Variants in FAM135A observed in about 807,000 individuals in gnomAD.
FAM135A encodes protein FAM135A.
In FAM135A, 79 loss-of-function variants were observed where a neutral mutation model predicts 146.8. The ratio of observed to expected loss-of-function variants is 0.54; its 90% CI spans 0.45 to 0.65. The LOEUF is 0.65. Ranked by LOEUF, FAM135A falls within the 30% of genes least tolerant of loss-of-function variation. FAM135A has a pLI of 0.00. For missense variants in FAM135A, 1,623 were observed against 1,758.2 expected, an observed-to-expected ratio of 0.92 and a Z score of 1.38; for synonymous variants, 562 against 603.6, an observed-to-expected ratio of 0.93 and a Z score of 1.01.
At chr6:70,538,800 G>A (rs371192667) in intron 20 of FAM135A, among the ~76,000 whole-genome samples, 1 of 124,044 alleles carries the variant, frequency 8.1e-6, no homozygotes, top group Non-Finnish European at 1.7e-5. Flanking sequence ...TTCATATTAT[G>A]TTATGTTATA....
intron 12 of FAM135A, among the ~76,000 whole-genome samples, chr6:70,510,393 T>A (rs1295287185): frequency 6.6e-6 from 1 of 152,102 alleles, no homozygotes; most frequent in Non-Finnish European, 1.5e-5. Context: ...TCTGTCTTAT[T>A]CCAAGACATT....
intron 5 of FAM135A, among the ~76,000 whole-genome samples, chr6:70,464,648 T>C (rs1466528342): frequency 3.4e-5 from 5 of 144,996 alleles, no homozygotes; most frequent in African/African-American, 5.2e-5. Context: ...ATTTCTTTCT[T>C]TCTTTCTTTC....
Position 70,524,647 on chromosome 6 carries a change from A to G in FAM135A, c.1563A>G (p.Val521=), listed in dbSNP as rs1459756099. Residue 521 remains valine (V), a synonymous_variant, in exon 15 of 22, where the codon GTA becomes GTG. Coordinates refer to ENST00000418814, the MANE Select transcript of FAM135A (RefSeq NM_001162529.3). The part of the protein sequence containing the change: ...KQNSKDSVVL[V]GYKCLKSTAS... Reference sequence around the variant, plus strand: ...ACTCTAAGGATTCTGTGGTTTTGGTAGGCTACAAATGTTTGAAAAGTACAG... The same window carrying G: ...ACTCTAAGGATTCTGTGGTTTTGGTGGGCTACAAATGTTTGAAAAGTACAG... The G allele has an allele frequency of 5.2e-6, 8 of 1,549,918 alleles. No homozygotes were observed. The South Asian group carries it at 8.4e-5, about 16-fold the overall frequency.
At chr6:70,427,533 C>CAAAAAAA (rs55796657) in intron 3 of FAM135A, among the ~76,000 whole-genome samples, 1 of 85,542 alleles carries the variant, frequency 1.2e-5, no homozygotes, top group Non-Finnish European at 2.7e-5. Context: ...CTCTGTCTCA[C>CAAAAAAA]AAAAAAAAAA....
chr6:70,414,007 C>G, intron 1 of FAM135A: 1 of 985,730 alleles, frequency 1.0e-6, no homozygotes, highest in Non-Finnish European at 1.2e-6. Flanking sequence ...AACCTCGCGC[C>G]TAGCGTGTTT....
intron 11 of FAM135A, among the ~76,000 whole-genome samples, chr6:70,498,205 G>A (rs1787742179): frequency 6.6e-6 from 1 of 152,166 alleles, no homozygotes; most frequent in African/African-American, 2.4e-5. Flanking sequence ...TCTCTTGGGA[G>A]GCTGTATGTG....
chr6:70,545,168 C>A (rs959054219), intron 20 of FAM135A, among the ~76,000 whole-genome samples: 1 of 151,910 alleles, frequency 6.6e-6, no homozygotes, highest in Non-Finnish European at 1.5e-5. Flanking sequence ...TTTAACAGAA[C>A]TTTTATCTAA....
intron 10 of FAM135A, among the ~76,000 whole-genome samples, chr6:70,487,512 C>CT (rs563131040): frequency 6.6e-6 from 1 of 152,080 alleles, no homozygotes; most frequent in Non-Finnish European, 1.5e-5. Context: ...AAGCCAAAAT[C>CT]TATCTCAACA....
chr6:70,501,140 G>A (rs1446666709), intron 11 of FAM135A, among the ~76,000 whole-genome samples: 1 of 152,216 alleles, frequency 6.6e-6, no homozygotes, highest in Admixed American at 6.5e-5. Flanking sequence ...GGAGATGGGA[G>A]TTTATCTGTA....
chr6:70,533,305 C>A (rs962278695), intron 17 of FAM135A, 54 bp downstream of exon 17: 12 of 1,441,152 alleles, frequency 8.3e-6, no homozygotes, highest in Middle Eastern at 1.8e-4. Context: ...CCAGTTTCTA[C>A]CTAAATTTTG....
intron 10 of FAM135A, among the ~76,000 whole-genome samples, chr6:70,487,633 T>C (rs976222405): frequency 1.3e-5 from 2 of 152,154 alleles, no homozygotes; most frequent in Non-Finnish European, 2.9e-5. Context: ...GTTGAAAATT[T>C]ATTGTCATTC....
Position 70,448,600 on chromosome 6 carries a change from C to T in FAM135A, c.78-3892C>T, listed in dbSNP as rs111272930. Reference sequence around the variant, plus strand: ...CCAGTGGTGCTAGAGGAATTAAAGGCGCACACACAGAAATATAGAGGTGTG... The same window carrying T: ...CCAGTGGTGCTAGAGGAATTAAAGGTGCACACACAGAAATATAGAGGTGTG... On this transcript the variant is annotated intron_variant, in intron 4 of 21. Transcript: ENST00000418814. Among the ~76,000 whole-genome samples the T allele has an allele frequency of 4.1e-3, 625 of 152,278 alleles. 3 individuals carry two copies. Among genetic ancestry groups the T allele is most frequent in the African/African-American group, 0.015 (604 of 41,562 alleles).
chr6:70,488,067 T>G (rs188058629), intron 10 of FAM135A, among the ~76,000 whole-genome samples: 108 of 152,216 alleles, frequency 7.1e-4, no homozygotes, highest in Non-Finnish European at 1.5e-4. Context: ...TGACCTAGCA[T>G]CCCCACTTCT....
At chr6:70,558,475 T>G (rs1367709045) in intron 21 of FAM135A, among the ~76,000 whole-genome samples, 1 of 152,218 alleles carries the variant, frequency 6.6e-6, no homozygotes, top group African/African-American at 2.4e-5. Flanking sequence ...TCGTTATCTT[T>G]TATGTGCTTA....
chr6:70,473,205 T>A (rs763302292), intron 5 of FAM135A, among the ~76,000 whole-genome samples: 7 of 152,180 alleles, frequency 4.6e-5, no homozygotes, highest in Admixed American at 1.3e-4. Flanking sequence ...CATTCTCTAA[T>A]CACTTCCTTA....
intron 4 of FAM135A, among the ~76,000 whole-genome samples, chr6:70,433,316 C>T (rs570563349): frequency 8.6e-4 from 130 of 152,032 alleles, no homozygotes; most frequent in African/African-American, 2.9e-3. Context: ...CCTCATGATC[C>T]GCCCGCCTCG....
At chr6:70,467,263 T>A (rs1780649918) in intron 5 of FAM135A, among the ~76,000 whole-genome samples, 1 of 152,112 alleles carries the variant, frequency 6.6e-6, no homozygotes, top group South Asian at 2.1e-4. Flanking sequence ...GTTTGCAGCA[T>A]TGCTGTTAAG....
At chr6:70,419,105 G>A (rs1768194599) in intron 2 of FAM135A, among the ~76,000 whole-genome samples, 1 of 152,210 alleles carries the variant, frequency 6.6e-6, no homozygotes, top group African/African-American at 2.4e-5. Flanking sequence ...CAACAGAACA[G>A]CATTCTCAAG....
intron 10 of FAM135A, 70 bp from the exon 11 acceptor site, chr6:70,490,964 A>G (rs573847337): frequency 3.5e-6 from 4 of 1,153,334 alleles, no homozygotes; most frequent in Admixed American, 2.9e-5. Flanking sequence ...TCAGTTTTTT[A>G]TGGGAATTTT....
Sources: allele counts gnomAD v4.1 joint callset (sites outside exome capture counted in the v4.1 genomes callset), GRCh38; gene constraint gnomAD v4.1.1; transcripts MANE v1.5; gene names NCBI Gene and HGNC (gene_info 2026-07-23, HGNC 2026-07-21).